Variants in DIP2A observed in about 807,000 individuals in gnomAD.
DIP2A encodes the protein DIP2 acetate--CoA ligase A.
In DIP2A, 85 loss-of-function variants were observed where a neutral mutation model predicts 177.4. The observed-to-expected ratio is 0.48, with a 90% CI of 0.40 to 0.57. DIP2A has a LOEUF of 0.57. Ranked by LOEUF, DIP2A falls within the 20% of genes least tolerant of loss-of-function variation. The pLI, the probability that DIP2A is intolerant of heterozygous loss-of-function variation, is 0.00. For synonymous variants in DIP2A, 886 were observed against 881.8 expected (o/e 1.00, Z -0.08); for missense variants, 1,791 against 2,100.2 (o/e 0.85, Z 2.88).
intron 1 of DIP2A, among the ~76,000 whole-genome samples, chr21:46,463,856 A>C (rs1470017164): frequency 6.6e-6 from 1 of 151,708 alleles, no homozygotes; most frequent in Admixed American, 6.6e-5. Context: ...TTACAGGCAC[A>C]CGCCATCACG....
At chr21:46,518,776 G>A (rs2058695150) in intron 8 of DIP2A, among the ~76,000 whole-genome samples, 1 of 152,244 alleles carries the variant, frequency 6.6e-6, no homozygotes, top group African/African-American at 2.4e-5. Flanking sequence ...AGAATTGCTT[G>A]AACCCAGGAG....
intron 8 of DIP2A, among the ~76,000 whole-genome samples, chr21:46,524,124 A>G (rs1387607539): frequency 1.3e-5 from 2 of 152,172 alleles, no homozygotes; most frequent in Non-Finnish European, 2.9e-5. Flanking sequence ...GATCCTGTAC[A>G]TGCCTAACCT....
In DIP2A at chr21:46,551,842, G is replaced by A. The variant is rs375730938; in HGVS notation, c.2968G>A (p.Val990Met). The change falls in exon 25 of 38, where the codon GTG (valine) becomes ATG (methionine). Residue 990 changes from valine (V) to methionine (M), a missense_variant. Physicochemically the swap from Val to Met is conservative, Grantham distance 21. Transcript: ENST00000417564. ...CGTGCAGTTCCTGTTCCTGGCTGAC[G>A]TGCTGCAGTGGCGTGCCCACACCAC... Reference protein sequence around the residue: ...QARKFLFLADVLQWRAHTTPD... With the variant: ...QARKFLFLADMLQWRAHTTPD... 1.2e-5 allele frequency: 19 copies of A among 1,612,268 alleles called. No homozygotes were observed. The highest frequency in any genetic ancestry group is 1.6e-4 in the Middle Eastern group (1 of 6,082).
rs1296589679 is a variant in DIP2A at position 46,546,985 on chromosome 21, A to T, written c.2465A>T (p.Asp822Val). 1.2e-6 allele frequency: 2 copies of T among 1,613,868 alleles called. No homozygotes were observed. The highest frequency in any genetic ancestry group is 2.7e-5 in the African/African-American group (2 of 74,922). The change falls in exon 21 of 38, where the codon GAT (aspartate) becomes GTT (valine). Residue 822 changes from aspartate (D) to valine (V), a missense_variant. By Grantham distance (152) the Asp-to-Val change is radical. Coordinates refer to ENST00000417564, the MANE Select transcript of DIP2A (RefSeq NM_015151.4). Reference protein sequence around the residue: ...MVTGVRRHNADDVVATALAVE... With the variant: ...MVTGVRRHNAVDVVATALAVE... ...ACTGGAGTTCGCAGACACAATGCAGATGACGTTGTGGCCACCGCACTGGCC... is the reference window on the plus strand; with the variant it reads ...ACTGGAGTTCGCAGACACAATGCAGTTGACGTTGTGGCCACCGCACTGGCC...
At position 46,511,470 on chromosome 21, in the gene DIP2A, C is replaced by T; in HGVS notation, c.958C>T (p.Leu320=). 2 of 1,613,158 alleles carry T rather than the reference C, an allele frequency of 1.2e-6. No homozygotes were observed. Among genetic ancestry groups the T allele is most frequent in the Non-Finnish European group, 1.7e-6 (2 of 1,179,582 alleles). The change falls in exon 8 of 38, where the codon CTG becomes TTG. Residue 320 remains leucine, a synonymous_variant. Transcript: ENST00000417564. ...GCCTGAGGGAAGCGAGACGAGTGTG[C>T]TGAGAGGGGAGCCTCTCACTGCAGG... ...PKPEGSETSV[L]RGEPLTAGVP... is the part of the protein sequence containing the mutation.
intron 2 of DIP2A, among the ~76,000 whole-genome samples, chr21:46,485,537 A>G (rs1278951516): frequency 6.6e-6 from 1 of 152,164 alleles, no homozygotes; most frequent in East Asian, 1.9e-4. Context: ...TTCCAGATGT[A>G]TTAGGCCTAA....
chr21:46,573,443 T>C (rs181258103), downstream of DIP2A, among the ~76,000 whole-genome samples: 917 of 151,868 alleles, frequency 6.0e-3, 8 homozygotes, highest in Middle Eastern at 0.024. Context: ...GTGGTTTTCT[T>C]GAGCCCAGGA....
rs948628796 is a variant in DIP2A at position 46,556,371 on chromosome 21, T to A, written c.3498+280T>A. On this transcript the variant is annotated intron_variant, in intron 29 of 37. Transcript: ENST00000417564. This position sits in a 1 kb window ranked among gnomAD's most constrained non-coding sequence, Gnocchi z 4.5. ...GGCTTTGAAGAATCTCTTACCTTGC[T>A]GGGAGTCAATAGCTCAATTAAAATT... is the stretch of plus-strand genomic sequence containing the variant. 4.3e-6 allele frequency: 6 copies of A among 1,399,978 alleles called. No individual in the cohort carries two copies. The highest frequency in any genetic ancestry group is 4.8e-6 in the Non-Finnish European group (5 of 1,051,238). 86.7% of individuals were successfully genotyped at this position (1,399,978 alleles called of 1,614,324 possible). A position where few individuals can be genotyped will look rare whatever the true frequency, so the allele number is the denominator to read the frequency against.
chr21:46,581,546 C>T, the DIP2A span, among the ~76,000 whole-genome samples: 2 of 152,162 alleles, frequency 1.3e-5, no homozygotes, highest in Non-Finnish European at 2.9e-5. Flanking sequence ...TTTGAGTTTT[C>T]AGCGTTTTTG....
chr21:46,497,390 A>G (rs2057416205), intron 4 of DIP2A, among the ~76,000 whole-genome samples: 1 of 152,208 alleles, frequency 6.6e-6, no homozygotes, highest in Non-Finnish European at 1.5e-5. Context: ...TAAAGAGAAG[A>G]ACCTAAAGCA....
At chr21:46,481,342 C>T (rs116473683) in intron 1 of DIP2A, among the ~76,000 whole-genome samples, 1,730 of 152,276 alleles carry the variant, frequency 0.011, 29 homozygotes, top group African/African-American at 0.039. Flanking sequence ...AGTATGGTTA[C>T]GTCACAGTCT....
chr21:46,582,445 G>C, the DIP2A span, among the ~76,000 whole-genome samples: 22 of 152,216 alleles, frequency 1.4e-4, no homozygotes. Context: ...GGCTCTGGTG[G>C]TTTGGGCTCA....
chr21:46,532,256 A>G lies in DIP2A; in HGVS notation c.1305+19A>G, dbSNP rs1399564965. 1 of 1,603,610 alleles carries G rather than the reference A, an allele frequency of 6.2e-7. No individual in the cohort carries two copies. The highest frequency in any genetic ancestry group is 8.5e-7 in the Non-Finnish European group (1 of 1,171,124). On this transcript the variant is annotated intron_variant, in intron 10 of 37. Coordinates refer to ENST00000417564, the MANE Select transcript of DIP2A (RefSeq NM_015151.4). ...AAGAAAGGTAGCAAACCCATGGCTC[A>G]GGTCCCGTGTGGTTCGCTTCTGAAC...
rs1403913377 is a variant in DIP2A at position 46,567,519 on chromosome 21, G to A, written c.4613G>A (p.Gly1538Glu). The A allele has an allele frequency of 4.3e-6, 7 of 1,613,906 alleles. No homozygotes were observed. The highest frequency in any genetic ancestry group is 5.9e-6 in the Non-Finnish European group (7 of 1,179,876). ...VVGVVVIVDP[G>E]VIPINSRGEK... ...GGAGTGGTGGTCATCGTGGACCCAGGGGTGATCCCTATCAACTCTCGGGGT... is the reference window on the plus strand; with the variant it reads ...GGAGTGGTGGTCATCGTGGACCCAGAGGTGATCCCTATCAACTCTCGGGGT... Residue 1538 changes from glycine to glutamate, a missense_variant, in exon 38 of 38, where the codon GGG becomes GAG. Coordinates refer to ENST00000417564, the MANE Select transcript of DIP2A (RefSeq NM_015151.4).
chr21:46,459,124 G>A lies in DIP2A; in HGVS notation c.-8G>A. ...CCAGCCTCTGCCCGGACGCTAGCCG[G>A]CCTGGCCATGGCTGACCGCGGGTGC... On this transcript the variant is annotated 5_prime_UTR_variant, in exon 1 of 38. Coordinates refer to ENST00000417564, the MANE Select transcript of DIP2A (RefSeq NM_015151.4). 1 of 1,492,482 alleles carries A rather than the reference G, an allele frequency of 6.7e-7. No individual in the cohort carries two copies. Among genetic ancestry groups the A allele is most frequent in the Non-Finnish European group, 8.9e-7 (1 of 1,123,474 alleles). The allele number at this position is 1,492,482 out of a possible 1,614,324, so 92.5% of individuals were successfully genotyped here.
chr21:46,464,844 T>TTTTTTTTTTTTTTTTTTTTTTTTTTCC (rs58546395), intron 1 of DIP2A, among the ~76,000 whole-genome samples: 1 of 111,218 alleles, frequency 9.0e-6, no homozygotes, highest in Non-Finnish European at 1.7e-5. Flanking sequence ...TTTTTTTTTT[T>TTTTTTTTTTTTTTTTTTTTTTTTTTCC]CAAGAAAACA....
intron 6 of DIP2A, among the ~76,000 whole-genome samples, chr21:46,508,895 T>C (rs2148612501): frequency 6.6e-6 from 1 of 152,048 alleles, no homozygotes; most frequent in Non-Finnish European, 1.5e-5. Context: ...GGCGCATGCC[T>C]GTAGACTCAG....
intron 1 of DIP2A, among the ~76,000 whole-genome samples, chr21:46,460,945 C>G (rs1014923777): frequency 6.6e-6 from 1 of 151,910 alleles, no homozygotes; most frequent in African/African-American, 2.4e-5. Context: ...CCGCCTGCCT[C>G]GGCCTCCCAA....
intron 18 of DIP2A, among the ~76,000 whole-genome samples, chr21:46,543,232 A>G (rs571858112): frequency 1.8e-4 from 28 of 152,372 alleles, no homozygotes; most frequent in African/African-American, 6.5e-4. Flanking sequence ...TTTCACAGAC[A>G]GCAATCATTG....
Sources: gnomAD v4.1 joint callset for allele counts (sites outside exome capture counted in the v4.1 genomes callset) on GRCh38, gnomAD v4.1.1 for gene constraint, Gnocchi (gnomAD v3.1) non-coding constraint, MANE v1.5 for transcripts, NCBI Gene and HGNC (gene_info 2026-07-23, HGNC 2026-07-21) for gene names.